Variants in KCND3 observed in about 807,000 individuals in gnomAD.
KCND3 encodes A-type voltage-gated potassium channel KCND3.
In KCND3, 9 loss-of-function variants were observed where a neutral mutation model predicts 51.1. The observed-to-expected ratio is 0.18, with a 90% CI of 0.11 to 0.31. The LOEUF is 0.31. KCND3 is among the 10% of genes least tolerant of loss of function. KCND3 has a pLI of 1.00. For missense variants in KCND3, 526 were observed against 903.8 expected, an observed-to-expected ratio of 0.58 and a Z score of 5.36; for synonymous variants, 349 against 368.0, an observed-to-expected ratio of 0.95 and a Z score of 0.59.
rs372313930 is a variant in KCND3 at position 111,819,741 on chromosome 1, A to G, written c.1107-32635T>C. 8.5e-4 allele frequency among the ~76,000 whole-genome samples: 129 copies of G among 152,330 alleles called. 1 individual carries two copies. The East Asian group carries it at 0.014, about 16-fold the overall frequency. On this transcript the variant is annotated intron_variant, in intron 2 of 7. Coordinates refer to ENST00000302127, the MANE Select transcript of KCND3 (RefSeq NM_001378969.1). ...CTCCTCAGGCTGGGAAGTGTTAGCCATACGAGGGTCTTGAAGGTCTCCCAG... is the reference window on the plus strand; with the variant it reads ...CTCCTCAGGCTGGGAAGTGTTAGCCGTACGAGGGTCTTGAAGGTCTCCCAG...
intron 2 of KCND3, among the ~76,000 whole-genome samples, chr1:111,866,331 C>T (rs1668571886): frequency 7.2e-6 from 1 of 138,338 alleles, no homozygotes; most frequent in South Asian, 2.2e-4. Context: ...GTGGGGCGAT[C>T]TAGGTTCACT....
At chr1:111,799,810 C>T (rs535440298) in intron 2 of KCND3, among the ~76,000 whole-genome samples, 22 of 152,276 alleles carry the variant, frequency 1.4e-4, no homozygotes, top group South Asian at 6.2e-4. Context: ...TAAAACGAGA[C>T]GGAGATGGAA....
chr1:111,917,919 A>T (rs1189964317), intron 2 of KCND3, among the ~76,000 whole-genome samples: 1 of 152,218 alleles, frequency 6.6e-6, no homozygotes, highest in Non-Finnish European at 1.5e-5. Flanking sequence ...GGTCCAGAAC[A>T]CAAGTGCACC....
At chr1:111,951,157 C>CAAA (rs71081206) in intron 2 of KCND3, among the ~76,000 whole-genome samples, 10 of 30,606 alleles carry the variant, frequency 3.3e-4, no homozygotes, top group African/African-American at 5.1e-4. Context: ...CAAACAAGAG[C>CAAA]AAAAAAAAAA....
intron 2 of KCND3, among the ~76,000 whole-genome samples, chr1:111,887,194 C>A (rs940114182): frequency 2.6e-5 from 4 of 152,206 alleles, no homozygotes; most frequent in Non-Finnish European, 5.9e-5. Context: ...GTTGTCTGTT[C>A]TGTCCACGGA....
intron 2 of KCND3, among the ~76,000 whole-genome samples, chr1:111,935,755 T>G (rs1557729968): frequency 6.6e-6 from 1 of 152,184 alleles, no homozygotes; most frequent in Non-Finnish European, 1.5e-5. Flanking sequence ...CCTGTTCATG[T>G]TTGTGGAAGA....
rs750676578 is a variant in KCND3 at position 111,780,087 on chromosome 1, C to T, written c.1461+138G>A. The T allele has an allele frequency of 2.1e-6, 2 of 958,198 alleles. No individual in the cohort carries two copies. The highest frequency in any genetic ancestry group is 3.3e-6 in the Non-Finnish European group (2 of 611,946). The allele number at this position is 958,198 out of a possible 1,614,324, so 59.4% of individuals were successfully genotyped here. On this transcript the variant is annotated intron_variant, in intron 5 of 7. Transcript: ENST00000302127. The surrounding 1 kb of genome is among the most constrained non-coding windows in gnomAD (Gnocchi z 4.2). Reference sequence around the variant, plus strand: ...CTCCTCAGGGTCTTCCACCTGAGGGCCAGTAGATCCCATCACTACCTTTTG... The same window carrying T: ...CTCCTCAGGGTCTTCCACCTGAGGGTCAGTAGATCCCATCACTACCTTTTG...
intron 2 of KCND3, among the ~76,000 whole-genome samples, chr1:111,862,920 T>G (rs1424681020): frequency 6.6e-6 from 1 of 152,216 alleles, no homozygotes; most frequent in Admixed American, 6.5e-5. Flanking sequence ...TGAGGACACT[T>G]TGTCCCTACC....
intron 2 of KCND3, among the ~76,000 whole-genome samples, chr1:111,908,466 C>T (rs1670757493): frequency 6.6e-6 from 1 of 152,180 alleles, no homozygotes; most frequent in South Asian, 2.1e-4. Flanking sequence ...TAGTAGGTGG[C>T]AGGGCCAGGA....
chr1:111,975,634 C>T (rs749148067), intron 2 of KCND3, among the ~76,000 whole-genome samples: 6 of 152,144 alleles, frequency 3.9e-5, no homozygotes, highest in Non-Finnish European at 8.8e-5. Flanking sequence ...GCTCAAAACC[C>T]TCCAGTGACT....
At chr1:111,932,168 C>G (rs912423172) in intron 2 of KCND3, among the ~76,000 whole-genome samples, 1 of 152,190 alleles carries the variant, frequency 6.6e-6, no homozygotes, top group Non-Finnish European at 1.5e-5. Flanking sequence ...ACCTGGATAA[C>G]CCAGGAAACT....
intron 2 of KCND3, among the ~76,000 whole-genome samples, chr1:111,840,319 G>A (rs1037972488): frequency 2.6e-5 from 4 of 152,172 alleles, no homozygotes; most frequent in Non-Finnish European, 5.9e-5. Flanking sequence ...GCCCCCTGGT[G>A]CTGCTCCTCT....
At chr1:111,947,374 T>C (rs1421014846) in intron 2 of KCND3, among the ~76,000 whole-genome samples, 3 of 152,212 alleles carry the variant, frequency 2.0e-5, no homozygotes, top group Admixed American at 6.5e-5. Context: ...CTTACATAAA[T>C]GGGGCAATAC....
intron 2 of KCND3, among the ~76,000 whole-genome samples, chr1:111,827,854 G>A (rs1346834959): frequency 1.3e-5 from 2 of 152,172 alleles, no homozygotes; most frequent in Admixed American, 1.3e-4. Context: ...AGAGGAAGAA[G>A]AAATGGGGCT....
intron 2 of KCND3, among the ~76,000 whole-genome samples, chr1:111,903,014 A>G (rs1670466201): frequency 6.6e-6 from 1 of 152,228 alleles, no homozygotes; most frequent in Non-Finnish European, 1.5e-5. Context: ...ACACATACAT[A>G]TAGGCTGTAG....
chr1:111,987,913 C>T (rs575810306), intron 1 of KCND3, among the ~76,000 whole-genome samples: 4 of 152,124 alleles, frequency 2.6e-5, no homozygotes, highest in Non-Finnish European at 5.9e-5. Context: ...AAAAAGGTGA[C>T]AAATCCTGGC....
rs987698352 is a variant in KCND3, at chr1:111,775,210, TGAA to T, written c.*864_*866del. ...ACAAGTCTGTTGTGCGTGGCAGTGA[TGAA>T]GAAGGCTTTACTGATGTGTTTCAGG... On this transcript the variant is annotated 3_prime_UTR_variant, in exon 8 of 8. Coordinates refer to ENST00000302127, the MANE Select transcript of KCND3 (RefSeq NM_001378969.1). 6.6e-6 allele frequency: 1 copy of T among 152,286 alleles called. No individual in the cohort carries two copies. The highest frequency in any genetic ancestry group is 1.5e-5 in the Non-Finnish European group (1 of 68,102). The allele number at this position is 152,286 out of a possible 1,614,324, so 9.4% of individuals were successfully genotyped here.
At chr1:111,957,000 G>A (rs1047531608) in intron 2 of KCND3, among the ~76,000 whole-genome samples, 4 of 152,184 alleles carry the variant, frequency 2.6e-5, no homozygotes, top group African/African-American at 9.6e-5. Context: ...TGTACTCAGC[G>A]CTATGTTTAA....
intron 2 of KCND3, among the ~76,000 whole-genome samples, chr1:111,897,551 G>T (rs606859): frequency 2.0e-5 from 3 of 152,096 alleles, no homozygotes; most frequent in African/African-American, 7.3e-5. Context: ...GCACAGGAGC[G>T]GAGTGTGTCT....
Sources: allele counts gnomAD v4.1 joint callset (sites outside exome capture counted in the v4.1 genomes callset), GRCh38; gene constraint gnomAD v4.1.1; non-coding constraint Gnocchi (gnomAD v3.1); transcripts MANE v1.5; gene names NCBI Gene and HGNC (gene_info 2026-07-23, HGNC 2026-07-21).